RAB43: variants seen among roughly 807,000 people sequenced by gnomAD.
RAB43 encodes the protein ras-related protein Rab-43.
A neutral mutation model predicts 18.8 loss-of-function variants in RAB43; 6 were observed. That is an observed-to-expected ratio of 0.32 (90% CI 0.17 to 0.63). RAB43 has a LOEUF of 0.63. Among genes scored for constraint, RAB43 ranks in the 30% least tolerant of loss-of-function variants. The pLI, the probability that RAB43 is intolerant of heterozygous loss-of-function variation, is 0.79. For synonymous variants in RAB43, 103 were observed against 124.1 expected (o/e 0.83, Z 1.13); for missense variants, 195 against 289.1 (o/e 0.67, Z 2.36).
chr3:129,121,358 C>G lies in RAB43; in HGVS notation c.132G>C (p.Ser44=), dbSNP rs199756487. The G allele has an allele frequency of 5.6e-6, 9 of 1,610,962 alleles. No homozygotes were observed. In the Admixed American group the frequency reaches 1.3e-4, roughly 24 times the overall value. Residue 44 remains serine, a synonymous_variant, in exon 1 of 3, where the codon TCG becomes TCC. Transcript: ENST00000315150. The part of the protein sequence containing the change: ...VVQRFKTGAF[S]ERQGSTIGVD... The stretch of plus-strand genomic sequence containing the variant: ...CGCCGATGGTGCTTCCCTGGCGCTC[C>G]GAGAAGGCGCCGGTCTTGAAGCGCT...
rs1935957109 is a variant in RAB43 at position 129,121,801 on chromosome 3, G to C, written c.-312C>G. On this transcript the variant is annotated 5_prime_UTR_variant, in exon 1 of 3. Coordinates refer to ENST00000315150, the MANE Select transcript of RAB43 (RefSeq NM_198490.3). ...CGGTCCTCAGCTCCGTGCCACACCA[G>C]TCTGGCCTGTAGGCCCGCCCCAGCC... is the stretch of plus-strand genomic sequence containing the variant. The C allele has an allele frequency of 5.4e-6, 1 of 183,708 alleles. No individual in the cohort carries two copies. The highest frequency in any genetic ancestry group is 1.1e-5 in the Non-Finnish European group (1 of 90,416). The allele number at this position is 183,708 out of a possible 1,614,324, so 11.4% of individuals were successfully genotyped here.
At chr3:129,091,809 T>A (rs906327905) in intron 2 of RAB43, among the ~76,000 whole-genome samples, 5 of 151,884 alleles carry the variant, frequency 3.3e-5, no homozygotes, top group African/African-American at 4.8e-5. Flanking sequence ...CTCATGCTTG[T>A]AATCCCAGCA....
chr3:129,105,066 A>G (rs1011522104), intron 1 of RAB43, among the ~76,000 whole-genome samples: 1 of 152,222 alleles, frequency 6.6e-6, no homozygotes, highest in African/African-American at 2.4e-5. Context: ...GGGCCAGACA[A>G]GTGACATAAA....
chr3:129,107,886 C>T lies in RAB43; in HGVS notation c.205-12717G>A, dbSNP rs1187204196. 6.6e-6 allele frequency among the ~76,000 whole-genome samples: 1 copy of T among 152,168 alleles called. No individual in the cohort carries two copies. Among genetic ancestry groups the T allele is most frequent in the Non-Finnish European group, 1.5e-5 (1 of 68,032 alleles). On this transcript the variant is annotated intron_variant, in intron 1 of 2. Coordinates refer to ENST00000315150, the MANE Select transcript of RAB43 (RefSeq NM_198490.3). The surrounding 1 kb of genome is among the most constrained non-coding windows in gnomAD (Gnocchi z 4.2). ...AGTCCCTCACCCTCACCCTCCAAGC[C>T]ACTCGGTCACCTCTTCAACTCTCTA...
chr3:129,117,188 T>C (rs528173117), intron 1 of RAB43, among the ~76,000 whole-genome samples: 2 of 152,348 alleles, frequency 1.3e-5, no homozygotes, highest in Non-Finnish European at 2.9e-5. Flanking sequence ...ATTTGAACCA[T>C]GTGAATGGTT....
At chr3:129,094,348 G>A (rs535597609) in intron 2 of RAB43, among the ~76,000 whole-genome samples, 4 of 152,152 alleles carry the variant, frequency 2.6e-5, no homozygotes, top group South Asian at 2.1e-4. Flanking sequence ...ATGTGGACCC[G>A]GATAAATCAC....
chr3:129,112,486 G>C (rs896460053), intron 1 of RAB43, among the ~76,000 whole-genome samples: 9 of 152,042 alleles, frequency 5.9e-5, no homozygotes, highest in Non-Finnish European at 1.0e-4. Context: ...ACTTCATCAC[G>C]CAACAGTGAG....
intron 1 of RAB43, among the ~76,000 whole-genome samples, chr3:129,118,996 G>A (rs1424345088): frequency 6.6e-6 from 1 of 152,208 alleles, no homozygotes; most frequent in Non-Finnish European, 1.5e-5. Flanking sequence ...ACTGACTACA[G>A]AAGAACAAAA....
At chr3:129,118,355 T>C (rs1935682766) in intron 1 of RAB43, among the ~76,000 whole-genome samples, 1 of 152,248 alleles carries the variant, frequency 6.6e-6, no homozygotes, top group Non-Finnish European at 1.5e-5. Flanking sequence ...AATCTGTGAT[T>C]CTCAAATGTT....
At chr3:129,120,484 C>A (rs1000492609) in intron 1 of RAB43, among the ~76,000 whole-genome samples, 5 of 152,244 alleles carry the variant, frequency 3.3e-5, no homozygotes, top group Non-Finnish European at 7.3e-5. Flanking sequence ...AGCCCAGGAT[C>A]TCCTGGTTGA....
intron 2 of RAB43, among the ~76,000 whole-genome samples, chr3:129,093,352 C>G (rs1193354655): frequency 6.6e-6 from 1 of 152,098 alleles, no homozygotes; most frequent in South Asian, 2.1e-4. Context: ...TGGCTCACAC[C>G]TGTAATCCCA....
rs1299163235 is a variant in RAB43 at position 129,121,739 on chromosome 3, C to G, written c.-250G>C. On this transcript the variant is annotated 5_prime_UTR_variant, in exon 1 of 3. Coordinates refer to ENST00000315150, the MANE Select transcript of RAB43 (RefSeq NM_198490.3). Reference sequence around the variant, plus strand: ...GTGCCCCGCGGGTTCGGCTCCCCCCCGGACCCGCCAAGCCGGGCCCTCCGC... The same window carrying G: ...GTGCCCCGCGGGTTCGGCTCCCCCCGGGACCCGCCAAGCCGGGCCCTCCGC... 7.5e-6 allele frequency: 2 copies of G among 266,776 alleles called. No homozygotes were observed. The highest frequency in any genetic ancestry group is 1.4e-5 in the Non-Finnish European group (2 of 143,310). 16.5% of individuals were successfully genotyped at this position (266,776 alleles called of 1,614,324 possible).
At chr3:129,108,671 T>A (rs539191818) in intron 1 of RAB43, among the ~76,000 whole-genome samples, 5 of 152,218 alleles carry the variant, frequency 3.3e-5, no homozygotes, top group Non-Finnish European at 7.3e-5. Context: ...AGTACCACCT[T>A]CCAGGTTCCA....
intron 1 of RAB43, among the ~76,000 whole-genome samples, chr3:129,102,700 G>A (rs1013947455): frequency 2.0e-5 from 3 of 151,172 alleles, no homozygotes; most frequent in African/African-American, 7.3e-5. Flanking sequence ...AGGAATTAGT[G>A]TAACAGGCAG....
intron 1 of RAB43, among the ~76,000 whole-genome samples, chr3:129,116,162 A>G (rs1034031580): frequency 1.3e-5 from 2 of 152,216 alleles, no homozygotes; most frequent in Admixed American, 1.3e-4. Flanking sequence ...CATAGTCTAT[A>G]TAGCGTTCAG....
intron 1 of RAB43, among the ~76,000 whole-genome samples, chr3:129,103,249 T>G (rs1934546480): frequency 6.6e-6 from 1 of 152,090 alleles, no homozygotes; most frequent in Non-Finnish European, 1.5e-5. Flanking sequence ...CCTACCCACT[T>G]ATCCCCACCT....
chr3:129,090,062 A>C lies in RAB43; in HGVS notation c.*1034T>G, dbSNP rs1933544554. The C allele has an allele frequency of 7.0e-6, 1 of 143,382 alleles. No homozygotes were observed. Among genetic ancestry groups the C allele is most frequent in the African/African-American group, 2.6e-5 (1 of 38,816 alleles). The allele number at this position is 143,382 out of a possible 1,614,324, so 8.9% of individuals were successfully genotyped here. On this transcript the variant is annotated 3_prime_UTR_variant, in exon 3 of 3. Coordinates refer to ENST00000315150, the MANE Select transcript of RAB43 (RefSeq NM_198490.3). The stretch of plus-strand genomic sequence containing the variant: ...TCCCCCTACCCCACTTTTGCCTTCT[A>C]ACCTTGGTGCCCAGCTCAGGGTGAG...
chr3:129,099,331 T>C (rs1004250056), intron 1 of RAB43, among the ~76,000 whole-genome samples: 2 of 151,982 alleles, frequency 1.3e-5, no homozygotes, highest in Non-Finnish European at 2.9e-5. Flanking sequence ...GACCTTGTGA[T>C]CTGCCCACCT....
rs1488131566 is a variant in RAB43, at chr3:129,107,890, C to CGG, written c.205-12723_205-12722dup. On this transcript the variant is annotated intron_variant, in intron 1 of 2. Coordinates refer to ENST00000315150, the MANE Select transcript of RAB43 (RefSeq NM_198490.3). This position sits in a 1 kb window ranked among gnomAD's most constrained non-coding sequence, Gnocchi z 4.2. ...CCTCACCCTCACCCTCCAAGCCACT[C>CGG]GGTCACCTCTTCAACTCTCTAGAGC... Among the ~76,000 whole-genome samples, 1 of 152,190 alleles carries CGG rather than the reference C, an allele frequency of 6.6e-6. No homozygotes were observed. Among genetic ancestry groups the CGG allele is most frequent in the East Asian group, 1.9e-4 (1 of 5,188 alleles).
Sources: allele counts gnomAD v4.1 joint callset (sites outside exome capture counted in the v4.1 genomes callset), GRCh38; gene constraint gnomAD v4.1.1; non-coding constraint Gnocchi (gnomAD v3.1); transcripts MANE v1.5; gene names NCBI Gene and HGNC (gene_info 2026-07-23, HGNC 2026-07-21).